Variants in CORIN observed in about 807,000 individuals in gnomAD.
CORIN encodes the protein atrial natriuretic peptide-converting enzyme.
Under a neutral mutation model 125.3 loss-of-function variants are expected in CORIN, and 117 were observed. That is an observed-to-expected ratio of 0.93 (90% CI 0.80 to 1.09). CORIN has a LOEUF of 1.09. CORIN is among the 50% of genes least tolerant of loss of function. The pLI is 0.00. For missense variants in CORIN, 1,253 were observed against 1,306.7 expected (o/e 0.96, Z 0.63); for synonymous variants, 450 against 466.4 (o/e 0.96, Z 0.45).
At chr4:47,777,159 A>C (rs898128144) in intron 3 of CORIN, among the ~76,000 whole-genome samples, 3 of 152,196 alleles carry the variant, frequency 2.0e-5, no homozygotes, top group Non-Finnish European at 2.9e-5. Context: ...ATAGAGCCAA[A>C]ACCTGGAGTA....
intron 5 of CORIN, among the ~76,000 whole-genome samples, chr4:47,729,603 AATGATACAGACGGGAGGTGGAAATG>A (rs1727765624): frequency 6.6e-6 from 1 of 152,166 alleles, no homozygotes; most frequent in African/African-American, 2.4e-5. Flanking sequence ...AGGAGGCACA[AATGATACAGACGGGAGGTGGAAATG>A]CTGGGTAGAA....
intron 5 of CORIN, among the ~76,000 whole-genome samples, chr4:47,742,068 C>G (rs1309885380): frequency 6.6e-6 from 1 of 151,872 alleles, no homozygotes; most frequent in Admixed American, 6.6e-5. Flanking sequence ...TGTGAATGAT[C>G]TCAGTAAAGC....
In CORIN at chr4:47,626,461, T is replaced by C; in HGVS notation, c.2259A>G (p.Leu753=). The stretch of plus-strand genomic sequence containing the variant: ...CATTGAGGCTCTCCCAGTTGGAGTG[T>C]AATGTCAGCCACCGCGGCTCTTTCT... ...EQEKEPRWLT[L]HSNWESLNGT... The change falls in exon 17 of 22, where the codon TTA becomes TTG. Residue 753 remains leucine (L), a synonymous_variant. Transcript: ENST00000273857. 1.9e-6 allele frequency: 3 copies of C among 1,614,086 alleles called. No homozygotes were observed. Among genetic ancestry groups the C allele is most frequent in the Non-Finnish European group, 2.5e-6 (3 of 1,179,938 alleles).
At chr4:47,655,847 C>T in intron 12 of CORIN, among the ~76,000 whole-genome samples, 1 of 125,458 alleles carries the variant, frequency 8.0e-6, no homozygotes, top group African/African-American at 2.9e-5. Flanking sequence ...AGTCTTTCAG[C>T]AGAAAAAAAA....
intron 19 of CORIN, among the ~76,000 whole-genome samples, chr4:47,609,677 G>T (rs1351055734): frequency 6.6e-6 from 1 of 152,146 alleles, no homozygotes; most frequent in Non-Finnish European, 1.5e-5. Flanking sequence ...TGCCGTGGTG[G>T]TTTGCTGCAC....
intron 1 of CORIN, among the ~76,000 whole-genome samples, chr4:47,832,935 T>G: frequency 6.6e-6 from 1 of 152,334 alleles, no homozygotes; most frequent in Non-Finnish European, 1.5e-5. Context: ...TAATTTGATT[T>G]AATGTTGATT....
chr4:47,643,107 A>T lies in CORIN; in HGVS notation c.2068+39T>A, dbSNP rs747273895. 63 of 1,613,854 alleles carry T rather than the reference A, an allele frequency of 3.9e-5. No homozygotes were observed. In the East Asian group the frequency reaches 1.4e-3, roughly 35 times the overall value. Reference sequence around the variant, plus strand: ...CATTCAGCTTCAGTGGCTGACAGGCATGAGAGAGTACAACAGATGGCAGAA... The same window carrying T: ...CATTCAGCTTCAGTGGCTGACAGGCTTGAGAGAGTACAACAGATGGCAGAA... On this transcript the variant is annotated intron_variant, in intron 15 of 21. Coordinates refer to ENST00000273857, the MANE Select transcript of CORIN (RefSeq NM_006587.4).
chr4:47,785,567 A>AAATTTT (rs1730755952), intron 3 of CORIN, among the ~76,000 whole-genome samples: 1 of 152,096 alleles, frequency 6.6e-6, no homozygotes, highest in East Asian at 1.9e-4. Context: ...TACAGCCAAT[A>AAATTTT]ATAGCAGGTG....
intron 2 of CORIN, among the ~76,000 whole-genome samples, chr4:47,799,150 T>C (rs985928635): frequency 5.3e-5 from 8 of 151,570 alleles, no homozygotes; most frequent in African/African-American, 1.9e-4. Context: ...TGTGTGTATG[T>C]CTCCCATGTT....
intron 2 of CORIN, among the ~76,000 whole-genome samples, chr4:47,803,077 C>T (rs1216687232): frequency 6.6e-6 from 1 of 152,170 alleles, no homozygotes; most frequent in Non-Finnish European, 1.5e-5. Flanking sequence ...AGGCCCAAGT[C>T]CCTTAGAAGA....
At chr4:47,736,616 T>C (rs1728146806) in intron 5 of CORIN, among the ~76,000 whole-genome samples, 1 of 152,244 alleles carries the variant, frequency 6.6e-6, no homozygotes, top group South Asian at 2.1e-4. Context: ...TTATTTTTCC[T>C]GATCCTTTTT....
chr4:47,795,967 A>T (rs1039064285), intron 2 of CORIN, among the ~76,000 whole-genome samples: 3 of 152,076 alleles, frequency 2.0e-5, no homozygotes, highest in East Asian at 3.8e-4. Flanking sequence ...AAGATAACAG[A>T]TGTTGGTGAT....
intron 16 of CORIN, among the ~76,000 whole-genome samples, chr4:47,632,757 A>AGATAGATAGATAGAT (rs1219555317): frequency 0.042 from 5,759 of 136,882 alleles, 155 homozygotes; most frequent in East Asian, 0.1. Context: ...ATAGATAGAT[A>AGATAGATAGATAGAT]GATAGATAGA....
intron 12 of CORIN, among the ~76,000 whole-genome samples, chr4:47,657,392 A>G (rs28783147): frequency 0.14 from 21,483 of 151,800 alleles, 2,044 homozygotes; most frequent in East Asian, 0.47. Context: ...AAAATTAGCC[A>G]GGCATGATGG....
intron 3 of CORIN, among the ~76,000 whole-genome samples, chr4:47,781,972 A>C (rs1730568156): frequency 6.6e-6 from 1 of 151,872 alleles, no homozygotes; most frequent in Non-Finnish European, 1.5e-5. Context: ...TGGTTAGAAG[A>C]AATAAAGAAG....
intron 6 of CORIN, among the ~76,000 whole-genome samples, chr4:47,684,465 A>G (rs1725424711): frequency 6.6e-6 from 1 of 152,210 alleles, no homozygotes; most frequent in Non-Finnish European, 1.5e-5. Flanking sequence ...TTAATAGGAA[A>G]ATAAAGTCTT....
chr4:47,698,420 C>G (rs192009709), intron 5 of CORIN, among the ~76,000 whole-genome samples: 1 of 151,574 alleles, frequency 6.6e-6, no homozygotes, highest in African/African-American at 2.4e-5. Context: ...AGAGTCTGCC[C>G]GGCAGGTGTC....
chr4:47,665,075 G>GTA lies in CORIN; in HGVS notation c.1544_1545dup (p.Pro516TyrfsTer6). ...TCGCCTGTATTCACATCACATTTTG[G>GTA]TACCAAAATGGTGCAAGAAAAGAAC... is the stretch of plus-strand genomic sequence containing the variant. On this transcript the variant is annotated frameshift_variant, in exon 11 of 22. Coordinates refer to ENST00000273857, the MANE Select transcript of CORIN (RefSeq NM_006587.4). LOFTEE classifies it high-confidence loss of function. The GTA allele has an allele frequency of 6.2e-7, 1 of 1,613,460 alleles. No individual in the cohort carries two copies. The highest frequency in any genetic ancestry group is 8.5e-7 in the Non-Finnish European group (1 of 1,179,554).
chr4:47,786,699 C>A, intron 3 of CORIN, 26 bp downstream of exon 3: 1 of 1,589,808 alleles, frequency 6.3e-7, no homozygotes, highest in Non-Finnish European at 8.6e-7. Context: ...TTAAAAGCCT[C>A]TAGCATGTAT....
Sources: allele counts gnomAD v4.1 joint callset (sites outside exome capture counted in the v4.1 genomes callset), GRCh38; gene constraint gnomAD v4.1.1; transcripts MANE v1.5; gene names NCBI Gene and HGNC (gene_info 2026-07-23, HGNC 2026-07-21).